Variants in CDC14A observed in about 807,000 individuals in gnomAD.
The protein encoded by CDC14A is dual specificity protein phosphatase CDC14A.
In CDC14A, 53 loss-of-function variants were observed where a neutral mutation model predicts 74.4. That is an observed-to-expected ratio of 0.71 (90% CI 0.57 to 0.89). The LOEUF is 0.89. Ranked by LOEUF, CDC14A falls within the 40% of genes least tolerant of loss-of-function variation. The probability of loss-of-function intolerance (pLI) is 0.00; values close to 1 mark genes in which losing one functional copy is unlikely to be tolerated. For synonymous variants in CDC14A, 247 were observed against 258.4 expected (o/e 0.96, Z 0.43); for missense variants, 646 against 713.7 (o/e 0.91, Z 1.08).
chr1:100,462,626 G>T, intron 8 of CDC14A, 25 bp from the exon 9 acceptor site: 1 of 1,559,242 alleles, frequency 6.4e-7, no homozygotes, highest in South Asian at 1.1e-5. Context: ...CATGCCTTTT[G>T]CTTACTGCTC....
At chr1:100,487,365 G>T (rs1274040739) in intron 11 of CDC14A, among the ~76,000 whole-genome samples, 1 of 151,898 alleles carries the variant, frequency 6.6e-6, no homozygotes, top group Non-Finnish European at 1.5e-5. Context: ...TTGAGACCAG[G>T]CTGGCCAGCA....
upstream of CDC14A, chr1:100,351,941 G>A (rs527445216): frequency 5.2e-6 from 4 of 767,884 alleles, no homozygotes; most frequent in African/African-American, 1.7e-5. Context: ...AGCTAGAGGC[G>A]AGGCAGGGCA....
intron 4 of CDC14A, among the ~76,000 whole-genome samples, chr1:100,405,330 C>T (rs578040083): frequency 3.1e-4 from 47 of 152,288 alleles, no homozygotes; most frequent in African/African-American, 9.9e-4. Flanking sequence ...TTTGCACACT[C>T]GCCCTTGTAA....
At chr1:100,488,735 T>C (rs1488225468) in intron 11 of CDC14A, among the ~76,000 whole-genome samples, 1 of 152,240 alleles carries the variant, frequency 6.6e-6, no homozygotes, top group African/African-American at 2.4e-5. Context: ...TAATTACATC[T>C]TTGAGACATT....
intron 5 of CDC14A, among the ~76,000 whole-genome samples, chr1:100,428,246 G>C (rs144234890): frequency 6.6e-6 from 1 of 152,186 alleles, no homozygotes; most frequent in South Asian, 2.1e-4. Context: ...TGACAGCAGT[G>C]AGTGTTGTGA....
intron 7 of CDC14A, among the ~76,000 whole-genome samples, chr1:100,453,844 G>A (rs1004437029): frequency 6.6e-6 from 1 of 152,184 alleles, no homozygotes. Context: ...GTTTCACCAT[G>A]TTGCCCTGGG....
chr1:100,487,498 G>A (rs1670142227), intron 11 of CDC14A, among the ~76,000 whole-genome samples: 1 of 152,176 alleles, frequency 6.6e-6, no homozygotes, highest in Non-Finnish European at 1.5e-5. Flanking sequence ...AGAGGCGGAG[G>A]TTGCAGAGCT....
At chr1:100,422,974 G>C (rs1011277365) in intron 4 of CDC14A, among the ~76,000 whole-genome samples, 1 of 152,116 alleles carries the variant, frequency 6.6e-6, no homozygotes, top group African/African-American at 2.4e-5. Context: ...GAAATGCATA[G>C]GGTTTTGATG....
chr1:100,399,990 AT>A lies in CDC14A; in HGVS notation c.309+9168del, dbSNP rs1183732654. On this transcript the variant is annotated intron_variant, in intron 4 of 15. Transcript: ENST00000336454. ...CCATAGACCTTTCCTGCTGTTACTC[AT>A]TAGAATGTCAGAATGCTCTATTAAA... Among the ~76,000 whole-genome samples, 20 of 152,342 alleles carry A rather than the reference AT, an allele frequency of 1.3e-4. No individual in the cohort carries two copies. The East Asian group carries it at 2.3e-3, about 18-fold the overall frequency.
At position 100,511,715 on chromosome 1, in the gene CDC14A, T is replaced by C. The variant is rs117924786; in HGVS notation, c.1756-6536T>C. ...ACACCAGTCACTAAGTCCTATCAAG[T>C]CTCCCTCTAAAATGCCTCTGTCCTT... On this transcript the variant is annotated intron_variant, in intron 15 of 15. Transcript: ENST00000336454. Among the ~76,000 whole-genome samples the C allele has an allele frequency of 6.4e-3, 968 of 152,236 alleles. 27 individuals are homozygous for C. The East Asian group carries it at 0.071, about 11-fold the overall frequency.
At position 100,352,642 on chromosome 1, in the gene CDC14A, G is replaced by T. The variant is rs1026099867; in HGVS notation, c.-313G>T. 1.9e-5 allele frequency: 24 copies of T among 1,245,154 alleles called. No individual in the cohort carries two copies. Among genetic ancestry groups the T allele is most frequent in the Admixed American group, 1.7e-4 (4 of 24,242 alleles). The allele number at this position is 1,245,154 out of a possible 1,614,324, so 77.1% of individuals were successfully genotyped here. On this transcript the variant is annotated 5_prime_UTR_variant, in exon 1 of 16. Coordinates refer to ENST00000336454, the MANE Select transcript of CDC14A (RefSeq NM_003672.4). ...GGGAAGACTTTGCCCTGCCCTGAGA[G>T]CTGGTCTGCGTTTCCCAGGCGCGGC...
At chr1:100,437,279 T>G (rs1205247231) in intron 5 of CDC14A, among the ~76,000 whole-genome samples, 1 of 152,218 alleles carries the variant, frequency 6.6e-6, no homozygotes, top group Non-Finnish European at 1.5e-5. Flanking sequence ...AGAGAATACA[T>G]AACATGTTCT....
chr1:100,439,777 T>C (rs1310656452), intron 5 of CDC14A, among the ~76,000 whole-genome samples, 155 bp from the exon 6 acceptor site: 1 of 152,216 alleles, frequency 6.6e-6, no homozygotes, highest in African/African-American at 2.4e-5. Context: ...TTAAGTGTGG[T>C]AGTTAATTAG....
intron 9 of CDC14A, among the ~76,000 whole-genome samples, chr1:100,463,285 C>T (rs752887579): frequency 3.3e-5 from 5 of 151,996 alleles, no homozygotes; most frequent in East Asian, 3.9e-4. Flanking sequence ...CTTGCACTGT[C>T]GTGGTTCTGT....
chr1:100,406,768 CA>C (rs1178092436), intron 4 of CDC14A, among the ~76,000 whole-genome samples: 1 of 151,202 alleles, frequency 6.6e-6, no homozygotes, highest in Non-Finnish European at 1.5e-5. Context: ...ACTAAAAATA[CA>C]AAAAAAATTA....
At chr1:100,399,605 G>A (rs935796265) in intron 4 of CDC14A, among the ~76,000 whole-genome samples, 13 of 152,072 alleles carry the variant, frequency 8.5e-5, no homozygotes, top group African/African-American at 3.1e-4. Context: ...TTATTCTCAT[G>A]TTTTTATTTA....
intron 3 of CDC14A, among the ~76,000 whole-genome samples, chr1:100,387,064 G>A (rs115696444): frequency 6.6e-6 from 1 of 151,444 alleles, no homozygotes; most frequent in African/African-American, 2.4e-5. Context: ...GCTAAACAAC[G>A]GACAAAATAT....
At chr1:100,432,390 T>C (rs2101103013) in intron 5 of CDC14A, among the ~76,000 whole-genome samples, 1 of 152,372 alleles carries the variant, frequency 6.6e-6, no homozygotes. Context: ...AGTCTGCAGC[T>C]GAACTGTCCA....
At chr1:100,445,820 G>A (rs1032598382) in intron 7 of CDC14A, among the ~76,000 whole-genome samples, 20 of 152,160 alleles carry the variant, frequency 1.3e-4, no homozygotes, top group Admixed American at 1.3e-3. Flanking sequence ...GTGAAGACTT[G>A]ATGTTGTCAA....
Sources: allele counts gnomAD v4.1 joint callset (sites outside exome capture counted in the v4.1 genomes callset), GRCh38; gene constraint gnomAD v4.1.1; transcripts MANE v1.5; gene names NCBI Gene and HGNC (gene_info 2026-07-23, HGNC 2026-07-21).